Variants in PPARGC1B observed in about 807,000 individuals in gnomAD.
The protein encoded by PPARGC1B is peroxisome proliferator-activated receptor gamma coactivator 1-beta.
A neutral mutation model predicts 101.6 loss-of-function variants in PPARGC1B; 34 were observed. That is an observed-to-expected ratio of 0.33 (90% CI 0.25 to 0.45). The LOEUF is 0.45. Ranked by LOEUF, PPARGC1B falls within the 20% of genes least tolerant of loss-of-function variation. The probability of loss-of-function intolerance (pLI) is 1.00; values close to 1 mark genes in which losing one functional copy is unlikely to be tolerated. For missense variants in PPARGC1B, 1,234 were observed against 1,317.6 expected (o/e 0.94, Z 0.98); for synonymous variants, 548 against 539.3 (o/e 1.02, Z -0.22).
intron 2 of PPARGC1B, among the ~76,000 whole-genome samples, chr5:149,824,130 C>A (rs1758411929): frequency 6.6e-6 from 1 of 152,216 alleles, no homozygotes; most frequent in Non-Finnish European, 1.5e-5. Flanking sequence ...TACAGGGGAG[C>A]AGTAGCGTGT....
At chr5:149,741,961 G>C (rs192842497) in intron 1 of PPARGC1B, among the ~76,000 whole-genome samples, 4 of 152,234 alleles carry the variant, frequency 2.6e-5, no homozygotes, top group Non-Finnish European at 1.5e-5. Context: ...ATGAACCCTG[G>C]TGTTAAAGGT....
Position 149,837,051 on chromosome 5 carries a change from C to T in PPARGC1B, c.2596C>T (p.Pro866Ser). ...SGSSPCHSWS[P>S]ATRRNFRCES... ...CTCTTCACCCTGCCACTCCTGGTCA[C>T]CAGCCACTCGAAGGAACTTCAGGTA... Residue 866 changes from proline (P) to serine (S), a missense_variant, in exon 8 of 12, where the codon CCA becomes TCA. Pro to Ser is a moderately conservative substitution (Grantham distance 74, BLOSUM62 -1). This residue lies in a region of PPARGC1B where 497 missense variants were observed against 529.5 expected (regional missense o/e 0.94). Transcript: ENST00000309241. The surrounding 1 kb of genome is among the most constrained non-coding windows in gnomAD (Gnocchi z 4.2). 1 of 1,613,158 alleles carries T rather than the reference C, an allele frequency of 6.2e-7. No individual in the cohort carries two copies. The highest frequency in any genetic ancestry group is 1.1e-5 in the South Asian group (1 of 91,008).
chr5:149,733,112 A>G (rs1009354390), intron 1 of PPARGC1B, among the ~76,000 whole-genome samples: 2 of 152,122 alleles, frequency 1.3e-5, no homozygotes, highest in Admixed American at 6.5e-5. Flanking sequence ...CCCCTCCTTC[A>G]TCTCCCTTTG....
intron 1 of PPARGC1B, among the ~76,000 whole-genome samples, chr5:149,801,840 A>G (rs1168829176): frequency 6.6e-6 from 1 of 152,178 alleles, no homozygotes; most frequent in African/African-American, 2.4e-5. Flanking sequence ...CCAGCAACCC[A>G]GAGAGGCTGC....
At position 149,849,709 on chromosome 5, in the gene PPARGC1B, T is replaced by C. The variant is rs1428346053; in HGVS notation, c.*2151T>C. The stretch of plus-strand genomic sequence containing the variant: ...TGCTGGCCTATCCCTGTCTGTGATG[T>C]TCCGTTCCATGAGAGAAAACTCCCC... On this transcript the variant is annotated 3_prime_UTR_variant, in exon 12 of 12. Transcript: ENST00000309241. 6.6e-6 allele frequency: 1 copy of C among 152,230 alleles called. No homozygotes were observed. The highest frequency in any genetic ancestry group is 3.2e-3 in the Middle Eastern group (1 of 316). 9.4% of individuals were successfully genotyped at this position (152,230 alleles called of 1,614,324 possible).
chr5:149,731,804 C>T (rs1436712928), intron 1 of PPARGC1B, among the ~76,000 whole-genome samples: 1 of 152,188 alleles, frequency 6.6e-6, no homozygotes, highest in Non-Finnish European at 1.5e-5. Flanking sequence ...CGGGCAGCGA[C>T]TTCGGGCTGG....
intron 1 of PPARGC1B, among the ~76,000 whole-genome samples, chr5:149,744,465 CTA>C (rs1180211959): frequency 6.6e-6 from 1 of 152,140 alleles, no homozygotes; most frequent in African/African-American, 2.4e-5. Flanking sequence ...GAATACATTA[CTA>C]TGTGAAAGCG....
intron 1 of PPARGC1B, among the ~76,000 whole-genome samples, chr5:149,812,986 G>A (rs543939911): frequency 2.0e-4 from 30 of 152,312 alleles, no homozygotes; most frequent in African/African-American, 7.0e-4. Context: ...TGGCTATGTG[G>A]GACTTCATAG....
At chr5:149,762,508 G>C (rs1029146168) in intron 1 of PPARGC1B, among the ~76,000 whole-genome samples, 7 of 152,120 alleles carry the variant, frequency 4.6e-5, no homozygotes, top group African/African-American at 1.7e-4. Flanking sequence ...GATTCCGGCA[G>C]CCTGACCCAC....
chr5:149,827,329 C>T (rs1758572266), intron 3 of PPARGC1B, among the ~76,000 whole-genome samples: 1 of 152,170 alleles, frequency 6.6e-6, no homozygotes, highest in South Asian at 2.1e-4. Flanking sequence ...CCTCTTCTAC[C>T]TTTTAAAAGA....
chr5:149,766,606 G>T (rs934159089), intron 1 of PPARGC1B, among the ~76,000 whole-genome samples: 1 of 152,170 alleles, frequency 6.6e-6, no homozygotes, highest in Non-Finnish European at 1.5e-5. Flanking sequence ...CAAAATATCT[G>T]TCCTGTTCCT....
chr5:149,781,322 G>A (rs150520012), intron 1 of PPARGC1B, among the ~76,000 whole-genome samples: 99 of 152,284 alleles, frequency 6.5e-4, no homozygotes, highest in African/African-American at 2.2e-3. Context: ...ATGGTCACCT[G>A]ACAGGTTGGC....
chr5:149,746,188 C>G lies in PPARGC1B; in HGVS notation c.78+15768C>G, dbSNP rs113403989. ...TAGTGTAGTGAGGCCTTTGCACTTG[C>G]TGTTCCCTCTGCCGGCAACGCTCTT... On this transcript the variant is annotated intron_variant, in intron 1 of 11. Transcript: ENST00000309241. 2.5e-3 allele frequency among the ~76,000 whole-genome samples: 378 copies of G among 152,286 alleles called. 2 individuals are homozygous for G. The highest frequency in any genetic ancestry group is 8.7e-3 in the African/African-American group (362 of 41,546).
rs780823747 is a variant in PPARGC1B at position 149,845,878 on chromosome 5, C to G, written c.2935C>G (p.Leu979Val). 6.2e-6 allele frequency: 10 copies of G among 1,614,124 alleles called. No homozygotes were observed. The highest frequency in any genetic ancestry group is 2.7e-5 in the African/African-American group (2 of 74,940). The stretch of plus-strand genomic sequence containing the variant: ...CTCCTTCCAGCTGAGCTACGGAGGG[C>G]TCCGGCACTTCTGCTGGCCCAGATA... ...EPSFQLSYGGLRHFCWPRYTD... is the reference protein window; with the variant it reads ...EPSFQLSYGGVRHFCWPRYTD... Residue 979 changes from leucine (L) to valine (V), a missense_variant, in exon 11 of 12, where the codon CTC becomes GTC. Around this residue, in one of 3 missense-constraint regions of PPARGC1B, gnomAD observed 497 missense variants for 529.5 expected, o/e 0.94. Coordinates refer to ENST00000309241, the MANE Select transcript of PPARGC1B (RefSeq NM_133263.4).
At chr5:149,742,543 G>A (rs1364674232) in intron 1 of PPARGC1B, among the ~76,000 whole-genome samples, 1 of 152,198 alleles carries the variant, frequency 6.6e-6, no homozygotes, top group African/African-American at 2.4e-5. Flanking sequence ...GACTTGGCAG[G>A]CAGTGGGGAG....
chr5:149,840,696 C>T (rs1314625378), intron 9 of PPARGC1B, among the ~76,000 whole-genome samples: 1 of 152,150 alleles, frequency 6.6e-6, no homozygotes, highest in Non-Finnish European at 1.5e-5. Context: ...CCTGGTGACC[C>T]TACTGCAAAG....
At chr5:149,735,593 C>A (rs888340524) in intron 1 of PPARGC1B, among the ~76,000 whole-genome samples, 1 of 152,204 alleles carries the variant, frequency 6.6e-6, no homozygotes, top group Non-Finnish European at 1.5e-5. Flanking sequence ...ATTTCATTCT[C>A]ATAGATATTG....
At chr5:149,755,432 A>G (rs1755482118) in intron 1 of PPARGC1B, among the ~76,000 whole-genome samples, 1 of 151,830 alleles carries the variant, frequency 6.6e-6, no homozygotes, top group Non-Finnish European at 1.5e-5. Context: ...GTGAACCCCT[A>G]AGAGCCAATA....
chr5:149,787,146 A>C (rs964631230), intron 1 of PPARGC1B, among the ~76,000 whole-genome samples: 1 of 152,264 alleles, frequency 6.6e-6, no homozygotes, highest in Non-Finnish European at 1.5e-5. Flanking sequence ...TCAGCTTAGC[A>C]ACCACAGCAA....
Sources: gnomAD v4.1 joint callset for allele counts (sites outside exome capture counted in the v4.1 genomes callset) on GRCh38, gnomAD v4.1.1 for gene constraint, gnomAD v4.1.1 regional missense constraint, Gnocchi (gnomAD v3.1) non-coding constraint, MANE v1.5 for transcripts, NCBI Gene and HGNC (gene_info 2026-07-23, HGNC 2026-07-21) for gene names.